Variants in ARHGEF16 observed in about 807,000 individuals in gnomAD.
ARHGEF16 encodes Rho guanine nucleotide exchange factor 16, also known as Rho guanine exchange factor (GEF) 16.
A neutral mutation model predicts 74.1 loss-of-function variants in ARHGEF16; 59 were observed. The ratio of observed to expected loss-of-function variants is 0.80; its 90% CI spans 0.65 to 0.99. The LOEUF is 0.99. Ranked by LOEUF, ARHGEF16 falls within the 50% of genes least tolerant of loss-of-function variation. The pLI, the probability that ARHGEF16 is intolerant of heterozygous loss-of-function variation, is 0.00. For missense variants in ARHGEF16, 948 were observed against 986.6 expected (o/e 0.96, Z 0.52); for synonymous variants, 415 against 412.6 (o/e 1.01, Z -0.07).
intron 8 of ARHGEF16, chr1:3,474,202 GCACCCGGTGCACACACATA>G (rs1389099667): frequency 5.6e-5 from 11 of 198,088 alleles, no homozygotes; most frequent in Non-Finnish European, 7.3e-5. Flanking sequence ...GCACACACAT[GCACCCGGTGCACACACATA>G]CACGTGGATG....
In ARHGEF16 at chr1:3,463,379, G is replaced by A. The variant is rs1639453132; in HGVS notation, c.295G>A (p.Ala99Thr). The change falls in exon 2 of 15, where the codon GCA (alanine) becomes ACA (threonine). Residue 99 changes from alanine to threonine, a missense_variant. Transcript: ENST00000378378. ...IPKSLAVASKAKTPARHQSFG... is the reference protein window; with the variant it reads ...IPKSLAVASKTKTPARHQSFG... ...TAAGAGCCTGGCTGTGGCCAGCAAGGCAAAGACCCCAGCCCGCCACCAGAG... is the reference window on the plus strand; with the variant it reads ...TAAGAGCCTGGCTGTGGCCAGCAAGACAAAGACCCCAGCCCGCCACCAGAG... The A allele has an allele frequency of 1.9e-6, 3 of 1,550,248 alleles. No individual in the cohort carries two copies. Among genetic ancestry groups the A allele is most frequent in the Non-Finnish European group, 2.6e-6 (3 of 1,146,912 alleles).
intron 10 of ARHGEF16, among the ~76,000 whole-genome samples, chr1:3,476,394 T>C (rs1480036813): frequency 6.6e-6 from 1 of 152,138 alleles, no homozygotes. Context: ...GCCCTGTCAG[T>C]GCACTTGCCT....
At chr1:3,466,752 G>A (rs549865746) in intron 3 of ARHGEF16, among the ~76,000 whole-genome samples, 1 of 152,182 alleles carries the variant, frequency 6.6e-6, no homozygotes, top group South Asian at 2.1e-4. Flanking sequence ...CTAAGGCCTC[G>A]AGTGCCCAGC....
At chr1:3,471,098 G>C (rs997989673) in intron 6 of ARHGEF16, among the ~76,000 whole-genome samples, 4 of 143,444 alleles carry the variant, frequency 2.8e-5, no homozygotes, top group African/African-American at 1.1e-4. Context: ...GTGTGTGCGT[G>C]GGTGTGTGTG....
chr1:3,466,653 CA>C (rs1639555482), intron 3 of ARHGEF16, among the ~76,000 whole-genome samples: 1 of 152,192 alleles, frequency 6.6e-6, no homozygotes, highest in Non-Finnish European at 1.5e-5. Context: ...GAACATCCCA[CA>C]GGGAGGTTGA....
Position 3,478,404 on chromosome 1 carries a change from G to C in ARHGEF16, c.1626-20G>C, listed in dbSNP as rs201748024. 1 of 1,574,318 alleles carries C rather than the reference G, an allele frequency of 6.4e-7. No homozygotes were observed. Among genetic ancestry groups the C allele is most frequent in the Non-Finnish European group, 8.7e-7 (1 of 1,154,596 alleles). On this transcript the variant is annotated intron_variant, in intron 11 of 14. Coordinates refer to ENST00000378378, the MANE Select transcript of ARHGEF16 (RefSeq NM_014448.4). ...AGGAGCTGGGTGGGACCGTCCCACCGACTGCCCGTGTCTCCACAGCGAGGA... is the reference window on the plus strand; with the variant it reads ...AGGAGCTGGGTGGGACCGTCCCACCCACTGCCCGTGTCTCCACAGCGAGGA...
intron 1 of ARHGEF16, among the ~76,000 whole-genome samples, chr1:3,460,679 C>T (rs1358270163): frequency 1.3e-5 from 2 of 152,168 alleles, no homozygotes; most frequent in African/African-American, 4.8e-5. Flanking sequence ...AGACACCCTA[C>T]TGTGAGCGGG....
intron 4 of ARHGEF16, 37 bp from the exon 5 acceptor site, chr1:3,468,843 C>T (rs1218681347): frequency 3.0e-5 from 47 of 1,548,610 alleles, no homozygotes; most frequent in Admixed American, 1.4e-4. Flanking sequence ...GCTTCTAGGA[C>T]GTGTGACCGA....
At chr1:3,466,876 G>T in intron 3 of ARHGEF16, 1 of 322,530 alleles carries the variant, frequency 3.1e-6, no homozygotes, top group Non-Finnish European at 5.7e-6. Flanking sequence ...TCCCTGGGAA[G>T]TGTCCCCAGG....
chr1:3,460,113 C>T (rs1198510565), intron 1 of ARHGEF16, among the ~76,000 whole-genome samples: 1 of 152,166 alleles, frequency 6.6e-6, no homozygotes, highest in African/African-American at 2.4e-5. Context: ...TCCCGAGAGC[C>T]GGCTCCTGGG....
rs1024205263 is a variant in ARHGEF16, at chr1:3,462,925, C to G, written c.-19-141C>G. ...TGCCACTGATCCACTGTGCTCCTGG[C>G]TGCGTCGCTGTCCTTGCCTGCTGTG... is the stretch of plus-strand genomic sequence containing the variant. On this transcript the variant is annotated intron_variant, in intron 1 of 14. Transcript: ENST00000378378. 4 of 537,586 alleles carry G rather than the reference C, an allele frequency of 7.4e-6. No homozygotes were observed. In the Admixed American group the frequency reaches 1.0e-4, roughly 14 times the overall value. 33.3% of individuals were successfully genotyped at this position (537,586 alleles called of 1,614,324 possible).
chr1:3,468,519 C>G, intron 4 of ARHGEF16: 1 of 322,970 alleles, frequency 3.1e-6, no homozygotes, highest in Non-Finnish European at 6.0e-6. Flanking sequence ...ACAGTCCTGC[C>G]CTCCACACTC....
intron 3 of ARHGEF16, 198 bp from the exon 4 acceptor site, chr1:3,466,970 G>C (rs933704636): frequency 3.6e-5 from 20 of 561,684 alleles, no homozygotes; most frequent in African/African-American, 3.4e-4. Context: ...GCCGGGACCA[G>C]CCCATTTCAG....
In ARHGEF16 at chr1:3,480,807, C is replaced by T. The variant is rs940853568; in HGVS notation, c.*220C>T. The T allele has an allele frequency of 1.9e-5, 12 of 648,478 alleles. No individual in the cohort carries two copies. Among genetic ancestry groups the T allele is most frequent in the East Asian group, 2.9e-5 (1 of 34,514 alleles). 40.2% of individuals were successfully genotyped at this position (648,478 alleles called of 1,614,324 possible). The stretch of plus-strand genomic sequence containing the variant: ...CCAGGCAAGCTCGAGGGGGCCACAC[C>T]GTGTCCCAGGGAGCCCAGCCTATTC... On this transcript the variant is annotated 3_prime_UTR_variant, in exon 15 of 15. Coordinates refer to ENST00000378378, the MANE Select transcript of ARHGEF16 (RefSeq NM_014448.4).
At chr1:3,478,329 A>G in intron 11 of ARHGEF16, 95 bp from the exon 12 acceptor site, 1 of 1,352,786 alleles carries the variant, frequency 7.4e-7, no homozygotes, top group Non-Finnish European at 1.0e-6. Flanking sequence ...CCTCCCCACC[A>G]CTGCAGGGGA....
chr1:3,476,302 C>T (rs904367968), intron 10 of ARHGEF16, among the ~76,000 whole-genome samples: 4 of 152,264 alleles, frequency 2.6e-5, no homozygotes, highest in African/African-American at 7.2e-5. Flanking sequence ...GCCTCTGTGG[C>T]CCTTGCCCCA....
chr1:3,467,396 C>A, intron 4 of ARHGEF16, 59 bp downstream of exon 4: 4 of 1,485,000 alleles, frequency 2.7e-6, no homozygotes, highest in South Asian at 1.3e-5. Flanking sequence ...CACAGTCCCC[C>A]TGCTGTTCCT....
chr1:3,463,581 G>T lies in ARHGEF16; in HGVS notation c.497G>T (p.Gly166Val). ...AAMKGLGKPGGQGDAIQLSPK... is the reference protein window; with the variant it reads ...AAMKGLGKPGVQGDAIQLSPK... ...ATGAAGGGCCTGGGGAAGCCAGGTG[G>T]CCAGGGAGATGCCATCCAGCTAAGC... is the stretch of plus-strand genomic sequence containing the variant. Residue 166 changes from glycine (G) to valine (V), a missense_variant, in exon 2 of 15, where the codon GGC becomes GTC. Transcript: ENST00000378378. 6.9e-7 allele frequency: 1 copy of T among 1,449,520 alleles called. No individual in the cohort carries two copies. Among genetic ancestry groups the T allele is most frequent in the Middle Eastern group, 1.8e-4 (1 of 5,520 alleles). 89.8% of individuals were successfully genotyped at this position (1,449,520 alleles called of 1,614,324 possible).
intron 6 of ARHGEF16, 81 bp from the exon 7 acceptor site, chr1:3,472,997 T>C: frequency 6.8e-7 from 1 of 1,476,802 alleles, no homozygotes; most frequent in Non-Finnish European, 9.2e-7. Context: ...TGAGTGTGCA[T>C]GCAGATGCAT....
Sources: allele counts gnomAD v4.1 joint callset (sites outside exome capture counted in the v4.1 genomes callset), GRCh38; gene constraint gnomAD v4.1.1; transcripts MANE v1.5; gene names NCBI Gene and HGNC (gene_info 2026-07-23, HGNC 2026-07-21).